CCKBR: variants seen among roughly 807,000 people sequenced by gnomAD.
CCKBR encodes cholecystokinin B receptor.
Under a neutral mutation model 34.6 loss-of-function variants are expected in CCKBR, and 33 were observed. The observed-to-expected ratio is 0.95, with a 90% CI of 0.72 to 1.27. CCKBR has a LOEUF of 1.27. Among genes scored for constraint, CCKBR ranks in the 50% most tolerant of loss-of-function variants. The pLI is 0.00. For synonymous variants in CCKBR, 269 were observed against 267.5 expected, an observed-to-expected ratio of 1.01 and a Z score of -0.06; for missense variants, 652 against 617.4, an observed-to-expected ratio of 1.06 and a Z score of -0.59.
rs57265861 is a variant in CCKBR at position 6,262,686 on chromosome 11, A to AAGAGAGAG, written c.151+2639_151+2646dup. On this transcript the variant is annotated intron_variant, in intron 1 of 4. Transcript: ENST00000334619. ...TTTCAAGAAGTCTGGTAGGCAAAGAAAGAGAGAGAGAGAGAGAGAGAGAGA... is the reference window on the plus strand; with the variant it reads ...TTTCAAGAAGTCTGGTAGGCAAAGAAAGAGAGAGAGAGAGAGAGAGAGAGAGAGAGAGA... Among the ~76,000 whole-genome samples, 603 of 119,226 alleles carry AAGAGAGAG rather than the reference A, an allele frequency of 5.1e-3. 5 individuals carry two copies. Among genetic ancestry groups the AAGAGAGAG allele is most frequent in the African/African-American group, 0.012 (400 of 32,256 alleles). The allele number at this position is 119,226 out of a possible 152,430, so 78.2% of individuals were successfully genotyped here.
In CCKBR at chr11:6,260,098, C is replaced by G. The variant is rs199635212; in HGVS notation, c.151+19C>G. 4.3e-5 allele frequency: 67 copies of G among 1,572,082 alleles called. No homozygotes were observed. The African/African-American group carries it at 4.6e-4, about 11-fold the overall frequency. On this transcript the variant is annotated intron_variant, in intron 1 of 4. Transcript: ENST00000334619. ...ACACGAGGTGGGTGCCTCCCTCAGCCCCCCCCACAAGCTATTTCTCACTGT... is the reference window on the plus strand; with the variant it reads ...ACACGAGGTGGGTGCCTCCCTCAGCGCCCCCCACAAGCTATTTCTCACTGT...
In CCKBR at chr11:6,270,479, G is replaced by A; in HGVS notation, c.653+142G>A. On this transcript the variant is annotated intron_variant, in intron 3 of 4. Transcript: ENST00000334619. Reference sequence around the variant, plus strand: ...CTGCATCCACCACCCTGGAGTTCCAGTTTGGGGCCCCTCCCCAGTTCTCTC... The same window carrying A: ...CTGCATCCACCACCCTGGAGTTCCAATTTGGGGCCCCTCCCCAGTTCTCTC... The A allele has an allele frequency of 4.2e-6, 6 of 1,413,034 alleles. No individual in the cohort carries two copies. The South Asian group carries it at 6.8e-5, about 16-fold the overall frequency. 87.5% of individuals were successfully genotyped at this position (1,413,034 alleles called of 1,614,324 possible).
Position 6,271,458 on chromosome 11 carries a change from T to C in CCKBR, c.1259T>C (p.Leu420Pro), listed in dbSNP as rs1253386564. Reference protein sequence around the residue: ...PRPPRARPRALPDEDPPTPSI... With the variant: ...PRPPRARPRAPPDEDPPTPSI... ...CCTCCACGAGCTCGCCCCAGGGCTC[T>C]TCCCGATGAGGACCCTCCCACTCCC... The change falls in exon 5 of 5, where the codon CTT becomes CCT. Residue 420 changes from leucine (L) to proline (P), a missense_variant. Coordinates refer to ENST00000334619, the MANE Select transcript of CCKBR (RefSeq NM_176875.4). 4 of 1,613,264 alleles carry C rather than the reference T, an allele frequency of 2.5e-6. No individual in the cohort carries two copies. In the Admixed American group the frequency reaches 5.0e-5, roughly 20 times the overall value.
rs1156859888 is a variant in CCKBR, at chr11:6,270,126, A to G, written c.442A>G (p.Ile148Val). The G allele has an allele frequency of 1.2e-6, 2 of 1,611,262 alleles. No homozygotes were observed. The highest frequency in any genetic ancestry group is 1.7e-6 in the Non-Finnish European group (2 of 1,177,984). ...VSVSTLSLVA[I>V]ALERYSAICR... ...TGTGTCCACGCTAAGCCTCGTGGCCATCGCACTGGAGCGGTACAGCGCCAT... is the reference window on the plus strand; with the variant it reads ...TGTGTCCACGCTAAGCCTCGTGGCCGTCGCACTGGAGCGGTACAGCGCCAT... Residue 148 changes from isoleucine to valine, a missense_variant, in exon 3 of 5, where the codon ATC becomes GTC. Coordinates refer to ENST00000334619, the MANE Select transcript of CCKBR (RefSeq NM_176875.4).
In CCKBR at chr11:6,270,267, G is replaced by C. The variant is rs1277674400; in HGVS notation, c.583G>C (p.Val195Leu). Residue 195 changes from valine to leucine, a missense_variant, in exon 3 of 5, where the codon GTG (valine) becomes CTG (leucine). Physicochemically the swap from Val to Leu is conservative, Grantham distance 32. Coordinates refer to ENST00000334619, the MANE Select transcript of CCKBR (RefSeq NM_176875.4). Reference protein sequence around the residue: ...LMVPYPVYTVVQPVGPRVLQC... With the variant: ...LMVPYPVYTVLQPVGPRVLQC... ...GGTGCCCTACCCCGTGTACACTGTCGTGCAACCAGTGGGGCCTCGTGTGCT... is the reference window on the plus strand; with the variant it reads ...GGTGCCCTACCCCGTGTACACTGTCCTGCAACCAGTGGGGCCTCGTGTGCT... The C allele has an allele frequency of 3.7e-6, 6 of 1,613,148 alleles. No individual in the cohort carries two copies. The African/African-American group carries it at 6.7e-5, about 18-fold the overall frequency.
intron 1 of CCKBR, among the ~76,000 whole-genome samples, chr11:6,262,785 T>C (rs530969347): frequency 6.6e-6 from 1 of 152,088 alleles, no homozygotes; most frequent in African/African-American, 2.4e-5. Flanking sequence ...AGTGGGTATG[T>C]GCATAGGTTT....
In CCKBR at chr11:6,270,748, C is replaced by A. The variant is rs747685589; in HGVS notation, c.756C>A (p.Asp252Glu). The A allele has an allele frequency of 6.2e-7, 1 of 1,614,154 alleles. No individual in the cohort carries two copies. The highest frequency in any genetic ancestry group is 8.5e-7 in the Non-Finnish European group (1 of 1,180,046). ...SRELYLGLRF[D>E]GDSDSDSQSR... The stretch of plus-strand genomic sequence containing the variant: ...AGCTCTACTTAGGGCTTCGCTTTGA[C>A]GGCGACAGTGACAGCGACAGCCAAA... Residue 252 changes from aspartate (D) to glutamate (E), a missense_variant, in exon 4 of 5, where the codon GAC (aspartate) becomes GAA (glutamate). Asp to Glu is a conservative substitution (Grantham distance 45). Coordinates refer to ENST00000334619, the MANE Select transcript of CCKBR (RefSeq NM_176875.4).
Position 6,270,343 on chromosome 11 carries a change from C to A in CCKBR, c.653+6C>A. Reference sequence around the variant, plus strand: ...GCGCGGGTCCGCCAGACCTGGTGAGCTTGCCCATAAACTATCCTAGGAATT... The same window carrying A: ...GCGCGGGTCCGCCAGACCTGGTGAGATTGCCCATAAACTATCCTAGGAATT... On this transcript the variant is annotated splice_donor_region_variant and intron_variant, in intron 3 of 4. Coordinates refer to ENST00000334619, the MANE Select transcript of CCKBR (RefSeq NM_176875.4). 6.2e-7 allele frequency: 1 copy of A among 1,608,584 alleles called. No individual in the cohort carries two copies. Among genetic ancestry groups the A allele is most frequent in the South Asian group, 1.1e-5 (1 of 90,774 alleles).
At chr11:6,261,452 A>AAAAAAATAT (rs1564884679) in intron 1 of CCKBR, among the ~76,000 whole-genome samples, 1 of 46,802 alleles carries the variant, frequency 2.1e-5, no homozygotes, top group African/African-American at 6.7e-5. Context: ...AAAAAAAAAA[A>AAAAAAATAT]AAATATATAT....
At chr11:6,266,672 C>T (rs1434886608) in intron 1 of CCKBR, among the ~76,000 whole-genome samples, 2 of 152,034 alleles carry the variant, frequency 1.3e-5, no homozygotes, top group Non-Finnish European at 2.9e-5. Context: ...CTGCTGAGTT[C>T]GGTTTGGAAG....
At position 6,271,433 on chromosome 11, in the gene CCKBR, C is replaced by T. The variant is rs1848313286; in HGVS notation, c.1234C>T (p.Pro412Ser). The change falls in exon 5 of 5, where the codon CCT becomes TCT. Residue 412 changes from proline (P) to serine (S), a missense_variant. Physicochemically the swap from Pro to Ser is moderately conservative, Grantham distance 74. Coordinates refer to ENST00000334619, the MANE Select transcript of CCKBR (RefSeq NM_176875.4). ...LETCARCCPR[P>S]PRARPRALPD... is the part of the protein sequence containing the mutation. Reference sequence around the variant, plus strand: ...AACTTGCGCTCGCTGCTGCCCCCGGCCTCCACGAGCTCGCCCCAGGGCTCT... The same window carrying T: ...AACTTGCGCTCGCTGCTGCCCCCGGTCTCCACGAGCTCGCCCCAGGGCTCT... 1.9e-6 allele frequency: 3 copies of T among 1,613,542 alleles called. No individual in the cohort carries two copies. Among genetic ancestry groups the T allele is most frequent in the South Asian group, 1.1e-5 (1 of 91,090 alleles).
rs1302022475 is a variant in CCKBR, at chr11:6,270,765, A to G, written c.773A>G (p.Asp258Gly). The change falls in exon 4 of 5, where the codon GAC (aspartate) becomes GGC (glycine). Residue 258 changes from aspartate (D) to glycine (G), a missense_variant. Physicochemically the swap from Asp to Gly is moderately conservative, Grantham distance 94. Coordinates refer to ENST00000334619, the MANE Select transcript of CCKBR (RefSeq NM_176875.4). ...GLRFDGDSDS[D>G]SQSRVRNQGG... is the part of the protein sequence containing the mutation. ...CGCTTTGACGGCGACAGTGACAGCG[A>G]CAGCCAAAGCAGGGTCCGAAACCAA... The G allele has an allele frequency of 2.5e-6, 4 of 1,614,186 alleles. No individual in the cohort carries two copies. Among genetic ancestry groups the G allele is most frequent in the South Asian group, 2.2e-5 (2 of 91,088 alleles).
At position 6,261,454 on chromosome 11, in the gene CCKBR, A is replaced by AAAAAAATATAT. The variant is rs1447691939; in HGVS notation, c.151+1376_151+1377insAAAAATATATA. Among the ~76,000 whole-genome samples the AAAAAAATATAT allele has an allele frequency of 1.4e-3, 83 of 60,880 alleles. 1 individual carries two copies. Among genetic ancestry groups the AAAAAAATATAT allele is most frequent in the Non-Finnish European group, 1.6e-3 (52 of 32,956 alleles). The allele number at this position is 60,880 out of a possible 152,430, so 39.9% of individuals were successfully genotyped here. On this transcript the variant is annotated intron_variant, in intron 1 of 4. Coordinates refer to ENST00000334619, the MANE Select transcript of CCKBR (RefSeq NM_176875.4). ...GTTGGCAAAAAAAAAAAAAAAAAAAAATATATATACACACACACACACACA... is the reference window on the plus strand; with the variant it reads ...GTTGGCAAAAAAAAAAAAAAAAAAAAAAAAAATATATATATATATACACACACACACACACA...
chr11:6,263,558 C>T (rs1055220471), intron 1 of CCKBR, among the ~76,000 whole-genome samples: 4 of 151,542 alleles, frequency 2.6e-5, no homozygotes, highest in Admixed American at 6.6e-5. Flanking sequence ...CAGTCTTGAC[C>T]TCCGCAGGCT....
In CCKBR at chr11:6,271,520, A is replaced by G; in HGVS notation, c.1321A>G (p.Ile441Val). Residue 441 changes from isoleucine (I) to valine (V), a missense_variant, in exon 5 of 5, where the codon ATC becomes GTC. Transcript: ENST00000334619. ...ASLSRLSYTT[I>V]STLGPG ...GCTGTCCAGGCTTAGCTACACCACC[A>G]TCAGCACACTGGGCCCTGGCTGAGG... 1 of 1,601,018 alleles carries G rather than the reference A, an allele frequency of 6.2e-7. No homozygotes were observed. The highest frequency in any genetic ancestry group is 8.5e-7 in the Non-Finnish European group (1 of 1,173,408).
intron 1 of CCKBR, among the ~76,000 whole-genome samples, chr11:6,268,324 C>G (rs1455424495): frequency 6.6e-6 from 1 of 152,200 alleles, no homozygotes; most frequent in East Asian, 1.9e-4. Context: ...ATCTAGGAGG[C>G]TCTGTCCCCT....
chr11:6,267,549 G>A (rs968938565), intron 1 of CCKBR, among the ~76,000 whole-genome samples: 4 of 152,076 alleles, frequency 2.6e-5, no homozygotes, highest in Admixed American at 2.6e-4. Context: ...TAAAGGACCT[G>A]CCTGAGTCTG....
intron 1 of CCKBR, chr11:6,264,782 T>C: frequency 2.1e-6 from 1 of 473,562 alleles, no homozygotes; most frequent in South Asian, 4.1e-5. Context: ...TGTGCATGAC[T>C]TTTTAAACTA....
rs745565352 is a variant in CCKBR at position 6,269,710 on chromosome 11, T to C, written c.193T>C (p.Phe65Leu). The change falls in exon 2 of 5, where the codon TTC becomes CTC. Residue 65 changes from phenylalanine (F) to leucine (L), a missense_variant. By Grantham distance (22) the Phe-to-Leu change is conservative. Transcript: ENST00000334619. ...TAGAATCACTCTTTACGCAGTGATC[T>C]TCCTGATGAGCGTTGGAGGAAATAT... ...AIRITLYAVIFLMSVGGNMLI... is the reference protein window; with the variant it reads ...AIRITLYAVILLMSVGGNMLI... 6 of 1,614,094 alleles carry C rather than the reference T, an allele frequency of 3.7e-6. No individual in the cohort carries two copies. The highest frequency in any genetic ancestry group is 1.6e-4 in the Middle Eastern group (1 of 6,062).
Sources: allele counts gnomAD v4.1 joint callset (sites outside exome capture counted in the v4.1 genomes callset), GRCh38; gene constraint gnomAD v4.1.1; transcripts MANE v1.5; gene names NCBI Gene and HGNC (gene_info 2026-07-23, HGNC 2026-07-21).